The following PPL variants were observed in gnomAD, a reference collection of about 807,000 sequenced individuals.
PPL encodes periplakin.
A neutral mutation model predicts 194.4 loss-of-function variants in PPL; 198 were observed. The ratio of observed to expected loss-of-function variants is 1.02; its 90% CI spans 0.91 to 1.15. The LOEUF (loss-of-function observed/expected upper bound fraction) is 1.15, where lower values mean the gene tolerates loss of function less well. PPL is among the 50% of genes most tolerant of loss of function. PPL has a pLI of 0.00. For missense variants in PPL, 2,885 were observed against 2,294.8 expected (o/e 1.26, Z -5.25); for synonymous variants, 1,220 against 972.4 (o/e 1.25, Z -4.74).
chr16:4,924,982 G>A (rs1423045046), intron 1 of PPL, among the ~76,000 whole-genome samples: 4 of 152,222 alleles, frequency 2.6e-5, no homozygotes, highest in South Asian at 2.1e-4. Context: ...TCCCATGTGT[G>A]GACACAGGTC....
At chr16:4,934,310 G>A (rs1170067538) in intron 1 of PPL, among the ~76,000 whole-genome samples, 2 of 149,904 alleles carry the variant, frequency 1.3e-5, no homozygotes, top group African/African-American at 2.5e-5. Context: ...TCTCGGTGGG[G>A]TGTTCCGTTC....
intron 1 of PPL, among the ~76,000 whole-genome samples, chr16:4,922,106 C>A (rs920591933): frequency 6.6e-6 from 1 of 152,058 alleles, no homozygotes; most frequent in Non-Finnish European, 1.5e-5. Flanking sequence ...GCAGTGTGGC[C>A]CAGTGGTTAA....
At chr16:4,891,988 GCCCCCTGA>G (rs2088328415) in intron 15 of PPL, 39 bp from the exon 16 acceptor site, 1 of 1,610,684 alleles carries the variant, frequency 6.2e-7, no homozygotes, top group African/African-American at 1.3e-5. Context: ...TGCCCACCTG[GCCCCCTGA>G]CCCCACCCCA....
At position 4,883,643 on chromosome 16, in the gene PPL, G is replaced by A. The variant is rs766950990; in HGVS notation, c.5012C>T (p.Pro1671Leu). The part of the protein sequence containing the change: ...IHPDTGRELS[P>L]EEAHRAGLID... Reference sequence around the variant, plus strand: ...GAGCCCGGCACGGTGGGCTTCCTCCGGGGACAGCTCGCGGCCTGTGTCAGG... The same window carrying A: ...GAGCCCGGCACGGTGGGCTTCCTCCAGGGACAGCTCGCGGCCTGTGTCAGG... Residue 1671 changes from proline (P) to leucine (L), a missense_variant, in exon 22 of 22, where the codon CCG becomes CTG. Transcript: ENST00000345988. This position sits in a 1 kb window ranked among gnomAD's most constrained non-coding sequence, Gnocchi z 4.8. 15 of 1,614,008 alleles carry A rather than the reference G, an allele frequency of 9.3e-6. No individual in the cohort carries two copies. Among genetic ancestry groups the A allele is most frequent in the Middle Eastern group, 1.6e-4 (1 of 6,084 alleles).
In PPL at chr16:4,893,362, C is replaced by T; in HGVS notation, c.1501G>A (p.Asp501Asn). The T allele has an allele frequency of 6.2e-7, 1 of 1,606,960 alleles. No homozygotes were observed. Among genetic ancestry groups the T allele is most frequent in the Non-Finnish European group, 8.5e-7 (1 of 1,179,710 alleles). ...GCCAGCAGCTGCCGCCCCTGTAGGT[C>T]AGAGGCATCTGTGGAGGGAGGGAGG... ...LKTENPGDAS[D>N]LQGRQLLAGL... is the part of the protein sequence containing the mutation. The change falls in exon 14 of 22, where the codon GAC (aspartate) becomes AAC (asparagine). Residue 501 changes from aspartate to asparagine, a missense_variant. Coordinates refer to ENST00000345988, the MANE Select transcript of PPL (RefSeq NM_002705.5).
At chr16:4,920,185 G>A (rs1013995579) in intron 1 of PPL, among the ~76,000 whole-genome samples, 2 of 151,692 alleles carry the variant, frequency 1.3e-5, no homozygotes, top group East Asian at 1.9e-4. Context: ...TTGGGAGGCC[G>A]AGGCCGGGGA....
chr16:4,884,876 C>G lies in PPL; in HGVS notation c.3779G>C (p.Arg1260Thr). 1 of 1,614,144 alleles carries G rather than the reference C, an allele frequency of 6.2e-7. No homozygotes were observed. The highest frequency in any genetic ancestry group is 8.5e-7 in the Non-Finnish European group (1 of 1,180,030). The change falls in exon 22 of 22, where the codon AGA becomes ACA. Residue 1260 changes from arginine to threonine, a missense_variant. Arg to Thr is a moderately conservative substitution (Grantham distance 71). Coordinates refer to ENST00000345988, the MANE Select transcript of PPL (RefSeq NM_002705.5). This position sits in a 1 kb window ranked among gnomAD's most constrained non-coding sequence, Gnocchi z 5.7. ...CTCTAAATCACACCTTTCGATCAGT[C>G]TGGTCTTGTCCACGATCTCCTCCCT... ...RLREEIVDKT[R>T]LIERCDLEIY...
Position 4,885,908 on chromosome 16 carries a change from G to A in PPL, c.2747C>T (p.Thr916Ile). 6.2e-7 allele frequency: 1 copy of A among 1,611,336 alleles called. No homozygotes were observed. Residue 916 changes from threonine to isoleucine, a missense_variant, in exon 22 of 22, where the codon ACC (threonine) becomes ATC (isoleucine). Transcript: ENST00000345988. The surrounding 1 kb of genome is among the most constrained non-coding windows in gnomAD (Gnocchi z 6.3). Reference protein sequence around the residue: ...RRQLENEVKSTQEEIWTLRNQ... With the variant: ...RRQLENEVKSIQEEIWTLRNQ... Reference sequence around the variant, plus strand: ...CCTCAAGGTCCAGATTTCTTCCTGGGTGCTCTTGACCTCGTTCTCCAGCTG... The same window carrying A: ...CCTCAAGGTCCAGATTTCTTCCTGGATGCTCTTGACCTCGTTCTCCAGCTG...
chr16:4,930,753 A>T (rs1027879715), intron 1 of PPL, among the ~76,000 whole-genome samples: 2 of 152,204 alleles, frequency 1.3e-5, no homozygotes, highest in Non-Finnish European at 2.9e-5. Flanking sequence ...AGAAGCAGTG[A>T]AAAGGGGTGG....
intron 1 of PPL, among the ~76,000 whole-genome samples, chr16:4,936,116 G>GGGCT (rs2089294719): frequency 6.6e-6 from 1 of 152,132 alleles, no homozygotes; most frequent in Non-Finnish European, 1.5e-5. Context: ...AAAGGGACGT[G>GGGCT]GGCTGCTTCT....
chr16:4,898,627 C>T (rs1484417675), intron 8 of PPL, among the ~76,000 whole-genome samples: 2 of 152,136 alleles, frequency 1.3e-5, no homozygotes, highest in African/African-American at 4.8e-5. Flanking sequence ...GCCGGAAGAG[C>T]AAGGAAGGCA....
chr16:4,923,155 A>G (rs543761570), intron 1 of PPL, among the ~76,000 whole-genome samples: 39 of 152,184 alleles, frequency 2.6e-4, no homozygotes, highest in South Asian at 6.2e-4. Context: ...GGACCTGTCT[A>G]CCCGGTTATG....
intron 3 of PPL, 52 bp downstream of exon 3, chr16:4,903,834 T>C: frequency 6.2e-7 from 1 of 1,602,820 alleles, no homozygotes; most frequent in Non-Finnish European, 8.5e-7. Context: ...CCCCCCGCCC[T>C]GGCCCATAGC....
At chr16:4,924,092 A>G (rs984141054) in intron 1 of PPL, among the ~76,000 whole-genome samples, 1 of 152,244 alleles carries the variant, frequency 6.6e-6, no homozygotes, top group African/African-American at 2.4e-5. Context: ...GAGTTCAGGT[A>G]TTAAGTTGCT....
In PPL at chr16:4,904,053, C is replaced by T. The variant is rs1366860916; in HGVS notation, c.163-13G>A. 4 of 1,608,784 alleles carry T rather than the reference C, an allele frequency of 2.5e-6. No homozygotes were observed. The highest frequency in any genetic ancestry group is 3.4e-6 in the Non-Finnish European group (4 of 1,179,148). On this transcript the variant is annotated splice_polypyrimidine_tract_variant and intron_variant, in intron 2 of 21. Coordinates refer to ENST00000345988, the MANE Select transcript of PPL (RefSeq NM_002705.5). ...GCCGAGCCAGGTCCTGTGAGGGTCA[C>T]AAGAGAGGGGACAATGAACAGGAGC... is the stretch of plus-strand genomic sequence containing the variant.
At chr16:4,922,212 AGCT>A (rs2089063610) in intron 1 of PPL, among the ~76,000 whole-genome samples, 2 of 152,138 alleles carry the variant, frequency 1.3e-5, no homozygotes, top group African/African-American at 4.8e-5. Flanking sequence ...CAGTTTCCCC[AGCT>A]GTAAAATGAG....
intron 2 of PPL, among the ~76,000 whole-genome samples, chr16:4,910,391 TAGAG>T (rs1435381698): frequency 6.6e-6 from 1 of 152,160 alleles, no homozygotes; most frequent in Non-Finnish European, 1.5e-5. Flanking sequence ...CCTGCCTGCT[TAGAG>T]AGAATCTCGT....
In PPL at chr16:4,902,392, C is replaced by T. The variant is rs368442339; in HGVS notation, c.438+14G>A. 4.2e-5 allele frequency: 68 copies of T among 1,612,618 alleles called. No individual in the cohort carries two copies. Among genetic ancestry groups the T allele is most frequent in the Non-Finnish European group, 5.1e-5 (60 of 1,179,308 alleles). ...GCTGAAACCCTGGAGCCAGCGGCCC[C>T]GTCCAGGCCATACCAGCTTCTCCTC... On this transcript the variant is annotated intron_variant, in intron 4 of 21. Transcript: ENST00000345988. The surrounding 1 kb of genome is among the most constrained non-coding windows in gnomAD (Gnocchi z 4.0).
At chr16:4,886,752 G>A (rs1004650360) in intron 21 of PPL, among the ~76,000 whole-genome samples, 2 of 152,166 alleles carry the variant, frequency 1.3e-5, no homozygotes, top group Non-Finnish European at 1.5e-5. Context: ...CTGAGTAGCT[G>A]GGATTACAAG....
Sources: gnomAD v4.1 joint callset for allele counts (sites outside exome capture counted in the v4.1 genomes callset) on GRCh38, gnomAD v4.1.1 for gene constraint, Gnocchi (gnomAD v3.1) non-coding constraint, MANE v1.5 for transcripts, NCBI Gene and HGNC (gene_info 2026-07-23, HGNC 2026-07-21) for gene names.